Variants in MDGA2 observed in about 807,000 individuals in gnomAD.
MDGA2 encodes MAM domain containing glycosylphosphatidylinositol anchor 2.
In MDGA2, 40 loss-of-function variants were observed where a neutral mutation model predicts 117.8. The observed-to-expected ratio is 0.34, with a 90% CI of 0.26 to 0.44. The LOEUF (loss-of-function observed/expected upper bound fraction) is 0.44. Ranked by LOEUF, MDGA2 falls within the 20% of genes least tolerant of loss-of-function variation. The pLI is 1.00. For synonymous variants in MDGA2, 452 were observed against 439.0 expected, an observed-to-expected ratio of 1.03 and a Z score of -0.37; for missense variants, 1,123 against 1,250.6, an observed-to-expected ratio of 0.90 and a Z score of 1.54.
At chr14:47,617,556 C>T (rs1439336944) in intron 1 of MDGA2, among the ~76,000 whole-genome samples, 1 of 152,126 alleles carries the variant, frequency 6.6e-6, no homozygotes, top group Non-Finnish European at 1.5e-5. Context: ...GCTGTCAAGT[C>T]AGTACAGTTT....
chr14:47,017,620 G>C (rs1888131969), intron 8 of MDGA2, among the ~76,000 whole-genome samples: 1 of 65,054 alleles, frequency 1.5e-5, no homozygotes. Context: ...ATATTCACAT[G>C]ATTTCTTAAG....
chr14:47,102,096 T>C (rs1415955353), intron 5 of MDGA2, among the ~76,000 whole-genome samples: 1 of 152,152 alleles, frequency 6.6e-6, no homozygotes, highest in Non-Finnish European at 1.5e-5. Flanking sequence ...TTTTAAAATC[T>C]GAAAGCAGGA....
Position 47,295,413 on chromosome 14 carries a change from T to C in MDGA2, c.420+5998A>G, listed in dbSNP as rs188325800. Among the ~76,000 whole-genome samples, 3 of 152,274 alleles carry C rather than the reference T, an allele frequency of 2.0e-5. No homozygotes were observed. The East Asian group carries it at 5.8e-4, about 29-fold the overall frequency. ...CAGTATTCCTACTGAGAACTTCCTT[T>C]TAAAAACCGGTCATACTTTCTACAT... On this transcript the variant is annotated intron_variant, in intron 2 of 16. Transcript: ENST00000399232.
intron 1 of MDGA2, among the ~76,000 whole-genome samples, chr14:47,518,742 T>A (rs544798212): frequency 1.3e-5 from 2 of 152,308 alleles, no homozygotes; most frequent in African/African-American, 4.8e-5. Context: ...CCATAAGCCA[T>A]CTATAGTATC....
intron 1 of MDGA2, among the ~76,000 whole-genome samples, chr14:47,469,450 C>T (rs1893674125): frequency 6.6e-6 from 1 of 152,056 alleles, no homozygotes; most frequent in East Asian, 1.9e-4. Context: ...TGATGGTTTC[C>T]AGCTTCATCC....
chr14:46,956,041 G>T (rs1278713991), intron 9 of MDGA2, among the ~76,000 whole-genome samples: 1 of 152,190 alleles, frequency 6.6e-6, no homozygotes, highest in African/African-American at 2.4e-5. Context: ...CATCTGATAT[G>T]CTTTCCTAGA....
intron 1 of MDGA2, among the ~76,000 whole-genome samples, chr14:47,388,504 T>A (rs1891810975): frequency 6.6e-6 from 1 of 152,118 alleles, no homozygotes; most frequent in African/African-American, 2.4e-5. Flanking sequence ...CCTACCTTAC[T>A]CTTTTTCTAG....
At chr14:47,119,302 T>G (rs1323808172) in intron 5 of MDGA2, among the ~76,000 whole-genome samples, 1 of 151,778 alleles carries the variant, frequency 6.6e-6, no homozygotes, top group East Asian at 2.0e-4. Flanking sequence ...CCTGGCCTCG[T>G]GCTCTGCCCG....
At chr14:46,936,671 A>C (rs1884792475) in intron 9 of MDGA2, among the ~76,000 whole-genome samples, 2 of 152,152 alleles carry the variant, frequency 1.3e-5, no homozygotes, top group African/African-American at 4.8e-5. Context: ...AAGGACAAAA[A>C]CCATATGATC....
intron 1 of MDGA2, among the ~76,000 whole-genome samples, chr14:47,331,935 C>G (rs191089049): frequency 6.6e-6 from 1 of 151,860 alleles, no homozygotes; most frequent in Non-Finnish European, 1.5e-5. Flanking sequence ...TTAGCACGTA[C>G]GAACATTTTG....
At chr14:46,964,710 T>A (rs1885946746) in intron 8 of MDGA2, among the ~76,000 whole-genome samples, 1 of 152,128 alleles carries the variant, frequency 6.6e-6, no homozygotes, top group Admixed American at 6.5e-5. Flanking sequence ...AATACTGAAG[T>A]GGAGATTAAT....
intron 8 of MDGA2, among the ~76,000 whole-genome samples, chr14:46,996,015 G>C (rs896447287): frequency 2.0e-5 from 3 of 151,990 alleles, no homozygotes; most frequent in African/African-American, 7.2e-5. Flanking sequence ...TCCATCCAGT[G>C]TCTACTCACT....
intron 1 of MDGA2, among the ~76,000 whole-genome samples, chr14:47,343,929 A>T (rs1367251899): frequency 6.6e-6 from 1 of 152,168 alleles, no homozygotes; most frequent in East Asian, 1.9e-4. Flanking sequence ...CAACAACGGA[A>T]TCTACTACTT....
chr14:47,057,705 G>GCCTTA (rs1389391266), intron 7 of MDGA2, among the ~76,000 whole-genome samples: 1 of 122,710 alleles, frequency 8.1e-6, no homozygotes, highest in Non-Finnish European at 1.6e-5. Context: ...GCCTTGCCTT[G>GCCTTA]CCTTACCTTG....
intron 1 of MDGA2, among the ~76,000 whole-genome samples, chr14:47,342,549 A>G (rs1441748885): frequency 6.6e-6 from 1 of 152,026 alleles, no homozygotes; most frequent in Non-Finnish European, 1.5e-5. Flanking sequence ...CTTTCAGAAT[A>G]TTGTTTTCTT....
At chr14:47,620,180 C>T (rs978371633) in intron 1 of MDGA2, among the ~76,000 whole-genome samples, 2 of 152,224 alleles carry the variant, frequency 1.3e-5, no homozygotes, top group East Asian at 1.9e-4. Context: ...TAAAGGAATG[C>T]TCAATGGCAA....
In MDGA2 at chr14:47,561,171, G is replaced by GTTTTTTTTTT. The variant is rs1594918273; in HGVS notation, c.280+113345_280+113346insAAAAAAAAAA. Among the ~76,000 whole-genome samples the GTTTTTTTTTT allele has an allele frequency of 3.8e-3, 257 of 68,390 alleles. 16 individuals carry two copies. Among genetic ancestry groups the GTTTTTTTTTT allele is most frequent in the Middle Eastern group, 0.012 (2 of 166 alleles). The allele number at this position is 68,390 out of a possible 152,430, so 44.9% of individuals were successfully genotyped here. On this transcript the variant is annotated intron_variant, in intron 1 of 16. Coordinates refer to ENST00000399232, the MANE Select transcript of MDGA2 (RefSeq NM_001113498.3). ...TTTTTTTGTTTTGTTTTGTTTTTTT[G>GTTTTTTTTTT]TTTGTTTGTTTTTTTTTGCTTAGGA...
At chr14:46,989,989 T>G (rs1335467042) in intron 8 of MDGA2, among the ~76,000 whole-genome samples, 1 of 152,146 alleles carries the variant, frequency 6.6e-6, no homozygotes, top group Non-Finnish European at 1.5e-5. Context: ...TATTTGCTTT[T>G]GTCTTTTATA....
intron 1 of MDGA2, among the ~76,000 whole-genome samples, chr14:47,491,767 G>A (rs545679415): frequency 3.8e-4 from 57 of 150,904 alleles, no homozygotes; most frequent in Non-Finnish European, 5.9e-4. Context: ...GTTATTTTAC[G>A]TGTACGCCAC....
Sources: allele counts gnomAD v4.1 joint callset (sites outside exome capture counted in the v4.1 genomes callset), GRCh38; gene constraint gnomAD v4.1.1; transcripts MANE v1.5; gene names NCBI Gene and HGNC (gene_info 2026-07-23, HGNC 2026-07-21).